Variants in PLAGL1 observed in about 807,000 individuals in gnomAD.
PLAGL1 encodes PLAG1 like zinc finger 1.
PLAGL1 carries 1 observed loss-of-function variant against 4.6 expected under a neutral mutation model. That is an observed-to-expected ratio of 0.22 (90% CI 0.08 to 1.03). The LOEUF (loss-of-function observed/expected upper bound fraction) is 1.03. Among genes scored for constraint, PLAGL1 ranks in the 50% least tolerant of loss-of-function variants. The probability of loss-of-function intolerance (pLI) is 0.58; values close to 1 mark genes in which losing one functional copy is unlikely to be tolerated. For missense variants in PLAGL1, 464 were observed against 570.4 expected (o/e 0.81, Z 1.90); for synonymous variants, 240 against 237.8 (o/e 1.01, Z -0.08).
At position 143,945,760 on chromosome 6, in the gene PLAGL1, C is replaced by CTT. The variant is rs901287523; in HGVS notation, c.152+2223_152+2224dup. On this transcript the variant is annotated intron_variant, in intron 7 of 7. Transcript: ENST00000674357. This position sits in a 1 kb window ranked among gnomAD's most constrained non-coding sequence, Gnocchi z 4.2. ...AAAGTGCTGGGATTACAGGCATCAT[C>CTT]TTTTTTTTAAAAGCAAAACCGAAAG... is the stretch of plus-strand genomic sequence containing the variant. Among the ~76,000 whole-genome samples, 1 of 152,076 alleles carries CTT rather than the reference C, an allele frequency of 6.6e-6. No homozygotes were observed. Among genetic ancestry groups the CTT allele is most frequent in the Admixed American group, 6.5e-5 (1 of 15,272 alleles).
Position 143,945,443 on chromosome 6 carries a change from G to A in PLAGL1, c.152+2542C>T, listed in dbSNP as rs146825648. 5.6e-3 allele frequency among the ~76,000 whole-genome samples: 846 copies of A among 152,238 alleles called. 12 individuals are homozygous for A. Among genetic ancestry groups the A allele is most frequent in the African/African-American group, 0.019 (804 of 41,540 alleles). On this transcript the variant is annotated intron_variant, in intron 7 of 7. Coordinates refer to ENST00000674357, the MANE Select transcript of PLAGL1 (RefSeq NM_001317162.2). The surrounding 1 kb of genome is among the most constrained non-coding windows in gnomAD (Gnocchi z 4.2). ...GACCCACATTCTGTTTTCTGGTTAA[G>A]CAAGTCAGTTATTTTTTCCTTCAAC...
At chr6:143,996,684 T>C (rs903877855) in intron 1 of PLAGL1, among the ~76,000 whole-genome samples, 1 of 150,170 alleles carries the variant, frequency 6.7e-6, no homozygotes, top group Non-Finnish European at 1.5e-5. Context: ...TCTTCGATCA[T>C]GAGGTAGACG....
chr6:144,041,025 C>T (rs202109138), intron 1 of PLAGL1, among the ~76,000 whole-genome samples: 2 of 152,068 alleles, frequency 1.3e-5, no homozygotes, highest in African/African-American at 2.4e-5. Flanking sequence ...AGAGACAGTT[C>T]GGCTTTATTC....
At chr6:143,944,578 G>A (rs1312845312) in intron 7 of PLAGL1, among the ~76,000 whole-genome samples, 2 of 152,128 alleles carry the variant, frequency 1.3e-5, no homozygotes, top group Admixed American at 6.5e-5. Context: ...GAACCAATAC[G>A]ATGGGCATCT....
At chr6:144,046,098 G>A (rs1177334092) in intron 1 of PLAGL1, among the ~76,000 whole-genome samples, 1 of 152,046 alleles carries the variant, frequency 6.6e-6, no homozygotes, top group Non-Finnish European at 1.5e-5. Flanking sequence ...CTTTTTTCAA[G>A]GTTTCTGGCT....
chr6:144,042,557 T>C (rs952976643), intron 1 of PLAGL1, among the ~76,000 whole-genome samples: 3 of 152,350 alleles, frequency 2.0e-5, no homozygotes, highest in Admixed American at 6.5e-5. Context: ...ACCAGTACCA[T>C]GCTGTTTTGG....
rs1382154012 is a variant in PLAGL1 at position 143,966,556 on chromosome 6, A to T, written c.-471-358T>A. ...AACCATTTTAGGGAAACAACATAAG[A>T]TGACTATGATCTTAATGCGGTTTCA... On this transcript the variant is annotated intron_variant, in intron 3 of 7. Transcript: ENST00000674357. This position sits in a 1 kb window ranked among gnomAD's most constrained non-coding sequence, Gnocchi z 6.0. The T allele has an allele frequency of 6.6e-6, 1 of 152,182 alleles. No homozygotes were observed. The highest frequency in any genetic ancestry group is 2.4e-5 in the African/African-American group (1 of 41,454). 9.4% of individuals were successfully genotyped at this position (152,182 alleles called of 1,614,324 possible).
Position 143,955,329 on chromosome 6 carries a change from A to T in PLAGL1, c.-325+5140T>A, listed in dbSNP as rs1200344428. Among the ~76,000 whole-genome samples the T allele has an allele frequency of 6.6e-6, 1 of 152,216 alleles. No individual in the cohort carries two copies. Among genetic ancestry groups the T allele is most frequent in the East Asian group, 1.9e-4 (1 of 5,194 alleles). ...CAGTAAGACTGGAATACAGGTGCAG[A>T]TGTGGGCAAAGGAGAAAACAGGCTA... On this transcript the variant is annotated intron_variant, in intron 6 of 7. Transcript: ENST00000674357. The surrounding 1 kb of genome is among the most constrained non-coding windows in gnomAD (Gnocchi z 4.9).
Position 144,016,474 on chromosome 6 carries a change from G to C in PLAGL1, c.-150-47496C>G, listed in dbSNP as rs1332272443. 6.6e-6 allele frequency among the ~76,000 whole-genome samples: 1 copy of C among 152,132 alleles called. No homozygotes were observed. Among genetic ancestry groups the C allele is most frequent in the Non-Finnish European group, 1.5e-5 (1 of 68,010 alleles). On this transcript the variant is annotated intron_variant, in intron 1 of 3. Coordinates refer to the PLAGL1 transcript ENST00000437412. The surrounding 1 kb of genome is among the most constrained non-coding windows in gnomAD (Gnocchi z 4.2). ...CAGACACACCTAGGATCAATACTTTGTATCTTTCAATCCAATCAAGGTGAC... is the reference window on the plus strand; with the variant it reads ...CAGACACACCTAGGATCAATACTTTCTATCTTTCAATCCAATCAAGGTGAC...
At position 143,979,724 on chromosome 6, in the gene PLAGL1, CGTAT is replaced by C. The variant is rs775899072; in HGVS notation, c.-544+5407_-544+5410del. The stretch of plus-strand genomic sequence containing the variant: ...AAAAAATATTAATAATAATCATCAT[CGTAT>C]GTATTTATTTACCTAGGTGGTTGCC... On this transcript the variant is annotated intron_variant, in intron 2 of 7. Transcript: ENST00000674357. The surrounding 1 kb of genome is among the most constrained non-coding windows in gnomAD (Gnocchi z 4.6). Among the ~76,000 whole-genome samples the C allele has an allele frequency of 2.0e-5, 3 of 151,878 alleles. No homozygotes were observed. The highest frequency in any genetic ancestry group is 4.4e-5 in the Non-Finnish European group (3 of 67,910).
rs1784141786 is a variant in PLAGL1 at position 143,964,971 on chromosome 6, A to C, written c.-430-153T>G. On this transcript the variant is annotated intron_variant, in intron 4 of 7. Coordinates refer to ENST00000674357, the MANE Select transcript of PLAGL1 (RefSeq NM_001317162.2). The surrounding 1 kb of genome is among the most constrained non-coding windows in gnomAD (Gnocchi z 4.3). ...TGGTGCTGCTGGAGTCATGAGATCC[A>C]GGACACCCCCGTTTCCCAAGCCTGG... 2 of 152,230 alleles carry C rather than the reference A, an allele frequency of 1.3e-5. No homozygotes were observed. Among genetic ancestry groups the C allele is most frequent in the Non-Finnish European group, 2.9e-5 (2 of 68,060 alleles). The allele number at this position is 152,230 out of a possible 1,614,324, so 9.4% of individuals were successfully genotyped here.
At position 143,953,862 on chromosome 6, in the gene PLAGL1, G is replaced by A. The variant is rs1447259678; in HGVS notation, c.-324-5402C>T. On this transcript the variant is annotated intron_variant, in intron 6 of 7. Transcript: ENST00000674357. This position sits in a 1 kb window ranked among gnomAD's most constrained non-coding sequence, Gnocchi z 5.3. ...GTAGGTACTTCTGGAAGTGAGGATG[G>A]AAACAGGTATGAAAGCAGCAGGTGA... Among the ~76,000 whole-genome samples, 1 of 152,192 alleles carries A rather than the reference G, an allele frequency of 6.6e-6. No individual in the cohort carries two copies. Among genetic ancestry groups the A allele is most frequent in the Non-Finnish European group, 1.5e-5 (1 of 68,034 alleles).
At chr6:144,028,549 T>G (rs1187661476) in intron 1 of PLAGL1, among the ~76,000 whole-genome samples, 1 of 152,220 alleles carries the variant, frequency 6.6e-6, no homozygotes, top group Non-Finnish European at 1.5e-5. Flanking sequence ...TACTGTTAAG[T>G]GCTAATTTTA....
At chr6:143,967,509 C>T (rs1583275376) in intron 3 of PLAGL1, 1 of 152,170 alleles carries the variant, frequency 6.6e-6, no homozygotes, top group African/African-American at 2.4e-5. Flanking sequence ...TGTGCTTTCA[C>T]ATTTTCTCAT....
At chr6:144,017,949 C>A (rs1645790248) in intron 1 of PLAGL1, among the ~76,000 whole-genome samples, 1 of 152,336 alleles carries the variant, frequency 6.6e-6, no homozygotes, top group Non-Finnish European at 1.5e-5. Flanking sequence ...CCAGCCTACA[C>A]CACAAGGTTC....
At position 143,942,174 on chromosome 6, in the gene PLAGL1, C is replaced by G. The variant is rs1346288642; in HGVS notation, c.642G>C (p.Glu214Asp). 6.2e-7 allele frequency: 1 copy of G among 1,614,176 alleles called. No individual in the cohort carries two copies. Among genetic ancestry groups the G allele is most frequent in the East Asian group, 2.2e-5 (1 of 44,878 alleles). Residue 214 changes from glutamate (E) to aspartate (D), a missense_variant, in exon 8 of 8, where the codon GAG becomes GAC. Glu to Asp is a conservative substitution (Grantham distance 45). Coordinates refer to ENST00000674357, the MANE Select transcript of PLAGL1 (RefSeq NM_001317162.2). The surrounding 1 kb of genome is among the most constrained non-coding windows in gnomAD (Gnocchi z 7.6). ...KKTHSQELMK[E>D]SLQTGDLLST... ...TCAGAAGGTCTCCGGTCTGCAAGCT[C>G]TCTTTCATCAGCTCCTGTGAGTGGG...
chr6:143,993,366 ACAC>A (rs1790941886), intron 1 of PLAGL1, among the ~76,000 whole-genome samples: 1 of 151,058 alleles, frequency 6.6e-6, no homozygotes, highest in African/African-American at 2.5e-5. Flanking sequence ...ACACACACAC[ACAC>A]AATTGACATG....
chr6:143,975,800 T>C lies in PLAGL1; in HGVS notation c.-543-6822A>G, dbSNP rs1201271029. Among the ~76,000 whole-genome samples the C allele has an allele frequency of 1.3e-5, 2 of 152,226 alleles. No homozygotes were observed. Among genetic ancestry groups the C allele is most frequent in the African/African-American group, 2.4e-5 (1 of 41,450 alleles). On this transcript the variant is annotated intron_variant, in intron 2 of 7. Transcript: ENST00000674357. This position sits in a 1 kb window ranked among gnomAD's most constrained non-coding sequence, Gnocchi z 5.8. ...TCCTTGCTACTATAAAGCAGCAGTGTGGTTTTTCTGCACAATTCAGCTTTA... is the reference window on the plus strand; with the variant it reads ...TCCTTGCTACTATAAAGCAGCAGTGCGGTTTTTCTGCACAATTCAGCTTTA...
rs1780127914 is a variant in PLAGL1 at position 143,947,904 on chromosome 6, C to T, written c.152+81G>A. The T allele has an allele frequency of 8.6e-7, 1 of 1,161,342 alleles. No homozygotes were observed. Among genetic ancestry groups the T allele is most frequent in the Non-Finnish European group, 1.3e-6 (1 of 790,000 alleles). The allele number at this position is 1,161,342 out of a possible 1,614,324, so 71.9% of individuals were successfully genotyped here. On this transcript the variant is annotated intron_variant, in intron 7 of 7. Coordinates refer to ENST00000674357, the MANE Select transcript of PLAGL1 (RefSeq NM_001317162.2). This position sits in a 1 kb window ranked among gnomAD's most constrained non-coding sequence, Gnocchi z 4.3. ...GCATCCATATCCTGTGTCCCTTTCC[C>T]CTTGCATCGTGTGGTCTGAGGGCTA...
Sources: allele counts gnomAD v4.1 joint callset (sites outside exome capture counted in the v4.1 genomes callset), GRCh38; gene constraint gnomAD v4.1.1; non-coding constraint Gnocchi (gnomAD v3.1); transcripts MANE v1.5; gene names NCBI Gene and HGNC (gene_info 2026-07-23, HGNC 2026-07-21).